Variants in ASIC2 observed in about 807,000 individuals in gnomAD.
The protein encoded by ASIC2 is acid-sensing ion channel 2.
A neutral mutation model predicts 57.3 loss-of-function variants in ASIC2; 25 were observed. The ratio of observed to expected loss-of-function variants is 0.44; its 90% CI spans 0.32 to 0.61. The LOEUF (loss-of-function observed/expected upper bound fraction) is 0.61. ASIC2 is among the 20% of genes least tolerant of loss of function. The pLI is 0.06. For missense variants in ASIC2, 641 were observed against 738.1 expected (o/e 0.87, Z 1.52); for synonymous variants, 319 against 307.5 (o/e 1.04, Z -0.39).
At chr17:34,115,109 T>C (rs1216073366) in intron 1 of ASIC2, among the ~76,000 whole-genome samples, 2 of 152,208 alleles carry the variant, frequency 1.3e-5, no homozygotes, top group African/African-American at 4.8e-5. Flanking sequence ...TTCAGCTCTC[T>C]TCTCATCTAA....
chr17:33,994,830 T>C (rs1906103928), intron 1 of ASIC2, among the ~76,000 whole-genome samples: 1 of 152,176 alleles, frequency 6.6e-6, no homozygotes, highest in African/African-American at 2.4e-5. Context: ...GAAGTTTTAC[T>C]GATCCCAGAT....
intron 1 of ASIC2, among the ~76,000 whole-genome samples, chr17:33,566,460 T>C (rs1368312972): frequency 6.6e-6 from 1 of 152,182 alleles, no homozygotes; most frequent in Non-Finnish European, 1.5e-5. Flanking sequence ...TTGTGGCTGC[T>C]GTTAATAGAA....
chr17:33,560,675 C>T (rs962378449), intron 1 of ASIC2, among the ~76,000 whole-genome samples: 12 of 152,088 alleles, frequency 7.9e-5, no homozygotes, highest in African/African-American at 9.7e-5. Flanking sequence ...AAAGAAGCAA[C>T]GAATGTGACC....
chr17:33,113,010 TAGACTCCAGGG>T (rs2141988442), intron 1 of ASIC2, among the ~76,000 whole-genome samples: 1 of 152,274 alleles, frequency 6.6e-6, no homozygotes, highest in Non-Finnish European at 1.5e-5. Context: ...CACTGGAAGG[TAGACTCCAGGG>T]GCTCAGTGAC....
intron 1 of ASIC2, among the ~76,000 whole-genome samples, chr17:33,496,291 C>T (rs555161964): frequency 6.6e-6 from 1 of 152,258 alleles, no homozygotes; most frequent in African/African-American, 2.4e-5. Flanking sequence ...TTTTTCCCTC[C>T]TCCCCTCAAG....
chr17:34,013,470 G>C (rs1906842839), intron 1 of ASIC2, among the ~76,000 whole-genome samples: 1 of 152,196 alleles, frequency 6.6e-6, no homozygotes, highest in African/African-American at 2.4e-5. Flanking sequence ...CTTGAGGAGA[G>C]AGGTTGTGTC....
At chr17:33,027,259 G>A (rs892181385) in intron 4 of ASIC2, among the ~76,000 whole-genome samples, 3 of 152,110 alleles carry the variant, frequency 2.0e-5, no homozygotes, top group Non-Finnish European at 4.4e-5. Context: ...CTGGAAAAGG[G>A]GGGTTGATTT....
intron 1 of ASIC2, among the ~76,000 whole-genome samples, chr17:33,272,811 C>T (rs561817782): frequency 2.0e-5 from 3 of 152,304 alleles, no homozygotes; most frequent in East Asian, 3.9e-4. Flanking sequence ...CTCAGAACAT[C>T]CCAGTGAGGG....
chr17:33,314,416 T>A (rs927573722), intron 1 of ASIC2, among the ~76,000 whole-genome samples: 2 of 152,212 alleles, frequency 1.3e-5, no homozygotes, highest in African/African-American at 4.8e-5. Flanking sequence ...AACTTGGGTA[T>A]TCTTGAGATG....
intron 1 of ASIC2, among the ~76,000 whole-genome samples, chr17:33,318,141 G>A (rs1906731454): frequency 6.6e-6 from 1 of 152,124 alleles, no homozygotes; most frequent in Non-Finnish European, 1.5e-5. Context: ...GGTGGATTTG[G>A]AATTTAGCTT....
intron 1 of ASIC2, among the ~76,000 whole-genome samples, chr17:33,360,440 C>T (rs556289912): frequency 9.2e-5 from 14 of 152,280 alleles, no homozygotes; most frequent in African/African-American, 1.4e-4. Context: ...TGAATGACAA[C>T]GTACACAACT....
chr17:33,382,726 C>G (rs1174990926), intron 1 of ASIC2, among the ~76,000 whole-genome samples: 2 of 152,210 alleles, frequency 1.3e-5, no homozygotes, highest in African/African-American at 2.4e-5. Context: ...GATTTCACAA[C>G]TAGTAAGTTC....
At chr17:33,678,322 T>G (rs1323075889) in intron 1 of ASIC2, among the ~76,000 whole-genome samples, 2 of 152,142 alleles carry the variant, frequency 1.3e-5, no homozygotes, top group Non-Finnish European at 2.9e-5. Context: ...ATTGTGGTGA[T>G]CTGGAGCTGA....
intron 1 of ASIC2, among the ~76,000 whole-genome samples, chr17:33,172,757 C>A (rs1905575701): frequency 6.6e-6 from 1 of 152,232 alleles, no homozygotes; most frequent in Non-Finnish European, 1.5e-5. Flanking sequence ...GTAGCCTCAG[C>A]ATCACCTGGG....
intron 8 of ASIC2, among the ~76,000 whole-genome samples, 147 bp downstream of exon 8, chr17:33,017,448 GCCTGGGCTTC>G (rs1362769845): frequency 6.6e-6 from 1 of 152,152 alleles, no homozygotes; most frequent in East Asian, 1.9e-4. Flanking sequence ...GCCCCACAGA[GCCTGGGCTTC>G]AGTGATCGAC....
At chr17:33,374,560 A>G (rs1184694649) in intron 1 of ASIC2, among the ~76,000 whole-genome samples, 1 of 152,168 alleles carries the variant, frequency 6.6e-6, no homozygotes, top group African/African-American at 2.4e-5. Context: ...CCTGTCCTAC[A>G]TGGTTGGCGT....
chr17:33,180,440 C>A (rs930548864), intron 1 of ASIC2, among the ~76,000 whole-genome samples: 1 of 152,132 alleles, frequency 6.6e-6, no homozygotes, highest in Non-Finnish European at 1.5e-5. Flanking sequence ...AGCTGGGTCC[C>A]TCTGTTCCTA....
chr17:33,142,964 A>G (rs1904384021), intron 1 of ASIC2, among the ~76,000 whole-genome samples: 1 of 152,132 alleles, frequency 6.6e-6, no homozygotes, highest in African/African-American at 2.4e-5. Context: ...TGAATCATGG[A>G]TGTTTCCCTA....
At chr17:34,122,503 A>G (rs1911655232) in intron 1 of ASIC2, among the ~76,000 whole-genome samples, 1 of 152,250 alleles carries the variant, frequency 6.6e-6, no homozygotes, top group Admixed American at 6.5e-5. Flanking sequence ...TCATCTAGAG[A>G]GAGCGAGTCT....
Sources: allele counts gnomAD v4.1 joint callset (sites outside exome capture counted in the v4.1 genomes callset), GRCh38; gene constraint gnomAD v4.1.1; transcripts MANE v1.5; gene names NCBI Gene and HGNC (gene_info 2026-07-23, HGNC 2026-07-21).